The following FARS2 variants were observed in gnomAD, a reference collection of about 807,000 sequenced individuals.
FARS2 encodes the protein phenylalanyl-tRNA synthetase 2, mitochondrial.
Under a neutral mutation model 46.4 loss-of-function variants are expected in FARS2, and 40 were observed. That is an observed-to-expected ratio of 0.86 (90% CI 0.67 to 1.12). The LOEUF is 1.12. Among genes scored for constraint, FARS2 ranks in the 50% most tolerant of loss-of-function variants. The pLI is 0.00. For synonymous variants in FARS2, 234 were observed against 214.9 expected, an observed-to-expected ratio of 1.09 and a Z score of -0.78; for missense variants, 513 against 567.9, an observed-to-expected ratio of 0.90 and a Z score of 0.98.
intron 4 of FARS2, among the ~76,000 whole-genome samples, chr6:5,503,732 C>T (rs890578062): frequency 1.3e-5 from 2 of 152,020 alleles, no homozygotes; most frequent in African/African-American, 4.8e-5. Context: ...TATCTTTACA[C>T]AGAATGATTG....
At chr6:5,464,931 C>A (rs1765433090) in intron 4 of FARS2, among the ~76,000 whole-genome samples, 1 of 152,154 alleles carries the variant, frequency 6.6e-6, no homozygotes, top group Non-Finnish European at 1.5e-5. Flanking sequence ...TTGAAGAGAA[C>A]AACTAGAGGA....
At chr6:5,268,776 C>T (rs551510646) in intron 1 of FARS2, among the ~76,000 whole-genome samples, 49 of 152,246 alleles carry the variant, frequency 3.2e-4, no homozygotes, top group Admixed American at 3.1e-3. Context: ...GGCACTGAAT[C>T]TATAAATTAC....
chr6:5,466,550 A>G lies in FARS2; in HGVS notation c.904+35378A>G, dbSNP rs1765525630. The G allele has an allele frequency of 4.1e-6, 4 of 985,242 alleles. No individual in the cohort carries two copies. The South Asian group carries it at 1.9e-4, about 46-fold the overall frequency. The allele number at this position is 985,242 out of a possible 1,614,324, so 61.0% of individuals were successfully genotyped here. Reference sequence around the variant, plus strand: ...TCATTGGAAGTTTTGTTTGTTTGTTATTCCCTAGGCTTGTTTCAGTTTCAC... The same window carrying G: ...TCATTGGAAGTTTTGTTTGTTTGTTGTTCCCTAGGCTTGTTTCAGTTTCAC... On this transcript the variant is annotated intron_variant, in intron 4 of 6. Transcript: ENST00000274680.
intron 2 of FARS2, among the ~76,000 whole-genome samples, chr6:5,397,074 C>G (rs1027368435): frequency 5.3e-5 from 8 of 152,028 alleles, no homozygotes; most frequent in African/African-American, 1.9e-4. Flanking sequence ...GTAGAAAATA[C>G]AATCTCAAAT....
At chr6:5,519,117 C>T (rs764009255) in intron 4 of FARS2, among the ~76,000 whole-genome samples, 2 of 151,962 alleles carry the variant, frequency 1.3e-5, no homozygotes, top group East Asian at 1.9e-4. Flanking sequence ...GAAAATTTTC[C>T]CAAAAGCTCT....
chr6:5,491,457 C>T (rs1354155030), intron 4 of FARS2, among the ~76,000 whole-genome samples: 4 of 152,132 alleles, frequency 2.6e-5, no homozygotes, highest in Admixed American at 6.6e-5. Context: ...CCATCCCCTG[C>T]ATTTTCCTAA....
chr6:5,283,782 A>G (rs1766924083), intron 1 of FARS2, among the ~76,000 whole-genome samples: 1 of 152,180 alleles, frequency 6.6e-6, no homozygotes, highest in Admixed American at 6.5e-5. Flanking sequence ...CAAATGTATC[A>G]ATACATGTAG....
chr6:5,431,205 G>A (rs758942536), intron 4 of FARS2, 33 bp downstream of exon 4: 1 of 1,610,210 alleles, frequency 6.2e-7, no homozygotes, highest in Non-Finnish European at 8.5e-7. Flanking sequence ...ATTTACACGT[G>A]CTCTAAAGGA....
chr6:5,545,098 C>A, intron 4 of FARS2, 82 bp from the exon 5 acceptor site: 1 of 1,350,790 alleles, frequency 7.4e-7, no homozygotes, highest in Non-Finnish European at 1.0e-6. Context: ...TAATTAGTGT[C>A]ACTGATAACT....
rs141503555 is a variant in FARS2, at chr6:5,693,581, G to C, written c.1218-77710G>C. Reference sequence around the variant, plus strand: ...TAGAGTAAAAATCTGGTTATCTATTGCCATGTAACAAACTGCCTCAAAACT... The same window carrying C: ...TAGAGTAAAAATCTGGTTATCTATTCCCATGTAACAAACTGCCTCAAAACT... On this transcript the variant is annotated intron_variant, in intron 6 of 6. Transcript: ENST00000274680. Among the ~76,000 whole-genome samples, 30 of 152,258 alleles carry C rather than the reference G, an allele frequency of 2.0e-4. No individual in the cohort carries two copies. In the East Asian group the frequency reaches 5.8e-3, roughly 29 times the overall value.
chr6:5,338,933 A>T (rs984450535), intron 1 of FARS2, among the ~76,000 whole-genome samples: 1 of 152,220 alleles, frequency 6.6e-6, no homozygotes, highest in Middle Eastern at 3.2e-3. Context: ...TCAAGAATAT[A>T]TTAACGACTG....
intron 6 of FARS2, among the ~76,000 whole-genome samples, chr6:5,690,786 G>T (rs112520740): frequency 2.0e-5 from 3 of 152,262 alleles, no homozygotes; most frequent in African/African-American, 7.2e-5. Context: ...AATATCCTGC[G>T]GAGTGTTTTC....
At chr6:5,534,833 ACACG>A (rs1351269507) in intron 4 of FARS2, among the ~76,000 whole-genome samples, 3 of 151,918 alleles carry the variant, frequency 2.0e-5, no homozygotes, top group Admixed American at 6.6e-5. Flanking sequence ...GCACGCACAC[ACACG>A]CACGCATACA....
intron 4 of FARS2, among the ~76,000 whole-genome samples, chr6:5,519,032 C>T (rs961974147): frequency 6.6e-6 from 1 of 152,036 alleles, no homozygotes; most frequent in East Asian, 1.9e-4. Flanking sequence ...AAAATTTTAC[C>T]TCTAAAATAT....
At chr6:5,476,491 C>T (rs1766129478) in intron 4 of FARS2, among the ~76,000 whole-genome samples, 1 of 152,006 alleles carries the variant, frequency 6.6e-6, no homozygotes, top group African/African-American at 2.4e-5. Flanking sequence ...ACTCCTAGAA[C>T]TGTGTGAAGA....
At chr6:5,525,998 A>G (rs1343183352) in intron 4 of FARS2, among the ~76,000 whole-genome samples, 2 of 152,254 alleles carry the variant, frequency 1.3e-5, no homozygotes, top group African/African-American at 4.8e-5. Context: ...GAAAGGTTGA[A>G]GAATATTTCT....
chr6:5,538,591 A>G (rs1243646448), intron 4 of FARS2, among the ~76,000 whole-genome samples: 2 of 152,292 alleles, frequency 1.3e-5, no homozygotes, highest in East Asian at 1.9e-4. Context: ...TCTGTTCCCA[A>G]GATCCGAAGT....
chr6:5,544,290 T>C (rs1049706991), intron 4 of FARS2, among the ~76,000 whole-genome samples: 2 of 152,192 alleles, frequency 1.3e-5, no homozygotes, highest in African/African-American at 4.8e-5. Context: ...ATTCCCATTG[T>C]GTTCCTAGAT....
intron 4 of FARS2, among the ~76,000 whole-genome samples, chr6:5,534,369 ACTAT>A (rs1325563730): frequency 7.2e-5 from 11 of 152,206 alleles, no homozygotes; most frequent in African/African-American, 2.7e-4. Flanking sequence ...AACCATCACC[ACTAT>A]CTATCTCCAA....
Sources: allele counts gnomAD v4.1 joint callset (sites outside exome capture counted in the v4.1 genomes callset), GRCh38; gene constraint gnomAD v4.1.1; transcripts MANE v1.5; gene names NCBI Gene and HGNC (gene_info 2026-07-23, HGNC 2026-07-21).